The following BTN2A2 variants were observed in gnomAD, a reference collection of about 807,000 sequenced individuals.
BTN2A2 encodes the protein butyrophilin subfamily 2 member A2.
BTN2A2 carries 29 observed loss-of-function variants against 34.7 expected under a neutral mutation model. That is an observed-to-expected ratio of 0.84 (90% confidence interval 0.62 to 1.14). The LOEUF is 1.14. BTN2A2 is among the 50% of genes most tolerant of loss of function. The pLI is 0.00. For synonymous variants in BTN2A2, 240 were observed against 253.1 expected, an observed-to-expected ratio of 0.95 and a Z score of 0.49; for missense variants, 612 against 651.5, an observed-to-expected ratio of 0.94 and a Z score of 0.66.
In BTN2A2 at chr6:26,393,032, C is replaced by A. The variant is rs750654753; in HGVS notation, c.*65C>A. ...GGCCATCTCAGCAGCCACCGCACAA[C>A]CCCCCTAATGAAAGACACGCCCTCC... On this transcript the variant is annotated 3_prime_UTR_variant, in exon 8 of 8. Coordinates refer to ENST00000356709, the MANE Select transcript of BTN2A2 (RefSeq NM_006995.5). The A allele has an allele frequency of 3.1e-6, 5 of 1,612,690 alleles. No homozygotes were observed. The highest frequency in any genetic ancestry group is 4.2e-6 in the Non-Finnish European group (5 of 1,179,264).
intron 5 of BTN2A2, 76 bp from the exon 6 acceptor site, chr6:26,390,611 C>G: frequency 6.3e-7 from 1 of 1,585,544 alleles, no homozygotes; most frequent in Non-Finnish European, 8.7e-7. Flanking sequence ...ATGGTTCCTA[C>G]GTTGTTTAAT....
chr6:26,385,374 CATTT>C lies in BTN2A2; in HGVS notation c.442+13_442+16del, dbSNP rs1761128759. ...CCTCGTGGTGGCAGGTGCATCACTT[CATTT>C]TGCTTTATTACTTTTGCACAGTGTG... On this transcript the variant is annotated intron_variant, in intron 3 of 7. Transcript: ENST00000356709. 6.2e-7 allele frequency: 1 copy of C among 1,607,730 alleles called. No individual in the cohort carries two copies. The highest frequency in any genetic ancestry group is 1.1e-5 in the South Asian group (1 of 90,716).
At chr6:26,390,980 C>A in intron 7 of BTN2A2, 151 bp downstream of exon 7, 2 of 1,148,468 alleles carry the variant, frequency 1.7e-6, no homozygotes, top group Non-Finnish European at 1.3e-6. Context: ...AGCAATGATG[C>A]ATCATGGCTC....
At position 26,393,027 on chromosome 6, in the gene BTN2A2, C is replaced by T; in HGVS notation, c.*60C>T. 1 of 1,613,206 alleles carries T rather than the reference C, an allele frequency of 6.2e-7. No individual in the cohort carries two copies. The highest frequency in any genetic ancestry group is 1.1e-5 in the South Asian group (1 of 90,960). ...GCCCTGGCCATCTCAGCAGCCACCGCACAACCCCCCTAATGAAAGACACGC... is the reference window on the plus strand; with the variant it reads ...GCCCTGGCCATCTCAGCAGCCACCGTACAACCCCCCTAATGAAAGACACGC... On this transcript the variant is annotated 3_prime_UTR_variant, in exon 8 of 8. Coordinates refer to ENST00000356709, the MANE Select transcript of BTN2A2 (RefSeq NM_006995.5).
chr6:26,390,359 C>A, intron 5 of BTN2A2, 148 bp downstream of exon 5: 2 of 833,438 alleles, frequency 2.4e-6, no homozygotes, highest in Non-Finnish European at 3.7e-6. Context: ...TGCACAGCAG[C>A]AGCCACAAGG....
intron 3 of BTN2A2, among the ~76,000 whole-genome samples, chr6:26,386,437 T>C (rs1372580740): frequency 6.6e-6 from 1 of 152,194 alleles, no homozygotes; most frequent in Non-Finnish European, 1.5e-5. Context: ...GACTAGGAAA[T>C]TGGGTTCTTC....
Position 26,390,819 on chromosome 6 carries a change from C to G in BTN2A2, c.969C>G (p.Phe323Leu). The change falls in exon 7 of 8, where the codon TTC becomes TTG. Residue 323 changes from phenylalanine to leucine, a missense_variant. By Grantham distance (22) the Phe-to-Leu change is conservative. Coordinates refer to ENST00000356709, the MANE Select transcript of BTN2A2 (RefSeq NM_006995.5). ...CCCTTGCAGGATGGAGAAGAACATT[C>G]TTACATGCTGGTGAGTGCCTCTGAT... ...LQEELRWRRT[F>L]LHAADVVLDP... 4 of 1,614,218 alleles carry G rather than the reference C, an allele frequency of 2.5e-6. No individual in the cohort carries two copies. In the South Asian group the frequency reaches 3.3e-5, roughly 13 times the overall value.
In BTN2A2 at chr6:26,390,231, AGT is replaced by A; in HGVS notation, c.931+24_931+25del. On this transcript the variant is annotated intron_variant, in intron 5 of 7. Transcript: ENST00000356709. Reference sequence around the variant, plus strand: ...TTGCACGTAAGGAATTTGTAAAGAAAGTGTGGAAAAATAGAAAGAAATTCAAA... The same window carrying A: ...TTGCACGTAAGGAATTTGTAAAGAAAGTGGAAAAATAGAAAGAAATTCAAA... The A allele has an allele frequency of 6.2e-7, 1 of 1,607,118 alleles. No individual in the cohort carries two copies. The highest frequency in any genetic ancestry group is 2.2e-5 in the East Asian group (1 of 44,800).
chr6:26,388,131 T>C lies in BTN2A2; in HGVS notation c.561T>C (p.Gly187=), dbSNP rs1468868366. The change falls in exon 4 of 8, where the codon GGT becomes GGC. Residue 187 remains glycine (G), a synonymous_variant. Coordinates refer to ENST00000356709, the MANE Select transcript of BTN2A2 (RefSeq NM_006995.5). ...EPLTVWRDPY[G]EVVPALKEVS... Reference sequence around the variant, plus strand: ...TCACAGTGTGGAGGGACCCCTACGGTGAGGTTGTGCCCGCCCTGAAGGAGG... The same window carrying C: ...TCACAGTGTGGAGGGACCCCTACGGCGAGGTTGTGCCCGCCCTGAAGGAGG... 6.2e-7 allele frequency: 1 copy of C among 1,613,950 alleles called. No individual in the cohort carries two copies. The highest frequency in any genetic ancestry group is 1.1e-5 in the South Asian group (1 of 91,058).
In BTN2A2 at chr6:26,394,329, G is replaced by C; in HGVS notation, c.*1362G>C. On this transcript the variant is annotated 3_prime_UTR_variant, in exon 8 of 8. Transcript: ENST00000356709. Reference sequence around the variant, plus strand: ...ACCTGACTGGATTAAGGAATACCTAGACAGCTGGTACAACATTATTTCTGG... The same window carrying C: ...ACCTGACTGGATTAAGGAATACCTACACAGCTGGTACAACATTATTTCTGG... The C allele has an allele frequency of 1.4e-6, 1 of 700,592 alleles. No individual in the cohort carries two copies. Among genetic ancestry groups the C allele is most frequent in the South Asian group, 1.5e-5 (1 of 67,454 alleles). 43.4% of individuals were successfully genotyped at this position (700,592 alleles called of 1,614,324 possible). A position where few individuals can be genotyped will look rare whatever the true frequency, so the allele number is the denominator to read the frequency against.
Position 26,390,072 on chromosome 6 carries a change from G to C in BTN2A2, c.792G>C (p.Trp264Cys). Residue 264 changes from tryptophan to cysteine, a missense_variant, in exon 5 of 8, where the codon TGG becomes TGC. Physicochemically the swap from Trp to Cys is radical, Grantham distance 215. Transcript: ENST00000356709. ...CTGTCATCCTGACCGCATCTCCCTG[G>C]ATGGTGTCCATGACTGTCATCCTGG... ...ALAVILTASP[W>C]MVSMTVILAV... 6.2e-7 allele frequency: 1 copy of C among 1,614,146 alleles called. No individual in the cohort carries two copies.
chr6:26,385,385 A>G (rs754290674), intron 3 of BTN2A2, 23 bp downstream of exon 3: 1 of 1,601,376 alleles, frequency 6.2e-7, no homozygotes, highest in Non-Finnish European at 8.5e-7. Context: ...ATTTTGCTTT[A>G]TTACTTTTGC....
chr6:26,389,013 G>A (rs1300891410), intron 4 of BTN2A2, among the ~76,000 whole-genome samples: 1 of 152,076 alleles, frequency 6.6e-6, no homozygotes, highest in Admixed American at 6.5e-5. Flanking sequence ...CCCGCTGCTT[G>A]GGAGGCTGAG....
rs373183351 is a variant in BTN2A2, at chr6:26,389,830, G to A, written c.725-175G>A. ...TTGCCCCCTTCTGGGCCCGGCCCTGGCAGTCACTGAGGTGTCAGCCAGTGT... is the reference window on the plus strand; with the variant it reads ...TTGCCCCCTTCTGGGCCCGGCCCTGACAGTCACTGAGGTGTCAGCCAGTGT... On this transcript the variant is annotated intron_variant, in intron 4 of 7. Transcript: ENST00000356709. 2.4e-4 allele frequency among the ~76,000 whole-genome samples: 37 copies of A among 152,308 alleles called. 1 individual carries two copies. The highest frequency in any genetic ancestry group is 1.9e-3 in the East Asian group (10 of 5,194).
chr6:26,393,220 C>T lies in BTN2A2; in HGVS notation c.*253C>T. 1 of 1,496,800 alleles carries T rather than the reference C, an allele frequency of 6.7e-7. No homozygotes were observed. The highest frequency in any genetic ancestry group is 8.9e-7 in the Non-Finnish European group (1 of 1,125,396). 92.7% of individuals were successfully genotyped at this position (1,496,800 alleles called of 1,614,324 possible). A position where few individuals can be genotyped will look rare whatever the true frequency, so the allele number is the denominator to read the frequency against. Reference sequence around the variant, plus strand: ...GCATAGGGAACTAGTTGTTTCATAGCTCCCAGTCAAAAAGAAAGTGAGAGA... The same window carrying T: ...GCATAGGGAACTAGTTGTTTCATAGTTCCCAGTCAAAAAGAAAGTGAGAGA... On this transcript the variant is annotated 3_prime_UTR_variant, in exon 8 of 8. Coordinates refer to ENST00000356709, the MANE Select transcript of BTN2A2 (RefSeq NM_006995.5).
Position 26,394,530 on chromosome 6 carries a change from C to T in BTN2A2, c.*1563C>T. On this transcript the variant is annotated 3_prime_UTR_variant, in exon 8 of 8. Transcript: ENST00000356709. ...CCCTTGGACATCAGAACTCCTGGCT[C>T]TCCGGCCTTTGAACTTCAGGACTTG... 1 of 513,676 alleles carries T rather than the reference C, an allele frequency of 1.9e-6. No individual in the cohort carries two copies. Among genetic ancestry groups the T allele is most frequent in the East Asian group, 3.1e-5 (1 of 32,134 alleles). 31.8% of individuals were successfully genotyped at this position (513,676 alleles called of 1,614,324 possible).
intron 4 of BTN2A2, among the ~76,000 whole-genome samples, chr6:26,388,608 T>C (rs1761363496): frequency 6.6e-6 from 1 of 152,130 alleles, no homozygotes; most frequent in Non-Finnish European, 1.5e-5. Flanking sequence ...GGTGGGTGAC[T>C]GTCTATGCTT....
chr6:26,390,768 G>A (rs1452220611), intron 6 of BTN2A2, 35 bp from the exon 7 acceptor site: 8 of 1,614,106 alleles, frequency 5.0e-6, no homozygotes, highest in Non-Finnish European at 6.8e-6. Flanking sequence ...ACTTAGCAGT[G>A]TCTCGTGACA....
At chr6:26,389,140 C>A (rs185898141) in intron 4 of BTN2A2, among the ~76,000 whole-genome samples, 3 of 151,382 alleles carry the variant, frequency 2.0e-5, no homozygotes, top group Non-Finnish European at 4.4e-5. Context: ...AAAAAGGGAG[C>A]GCGAGAGAGA....
Sources: allele counts gnomAD v4.1 joint callset (sites outside exome capture counted in the v4.1 genomes callset), GRCh38; gene constraint gnomAD v4.1.1; transcripts MANE v1.5; gene names NCBI Gene and HGNC (gene_info 2026-07-23, HGNC 2026-07-21).